DHRS7B: variants seen among roughly 807,000 people sequenced by gnomAD.
The protein encoded by DHRS7B is peroxisomal reductase activating PPAR-gamma.
DHRS7B carries 24 observed loss-of-function variants against 26.4 expected under a neutral mutation model. The observed-to-expected ratio is 0.91, with a 90% CI of 0.66 to 1.28. The LOEUF is 1.28. DHRS7B is among the 50% of genes most tolerant of loss of function. DHRS7B has a pLI of 0.00. For synonymous variants in DHRS7B, 142 were observed against 166.4 expected, an observed-to-expected ratio of 0.85 and a Z score of 1.13; for missense variants, 368 against 419.4, an observed-to-expected ratio of 0.88 and a Z score of 1.07.
chr17:21,178,423 G>T, intron 3 of DHRS7B, 81 bp downstream of exon 3: 1 of 1,168,640 alleles, frequency 8.6e-7, no homozygotes. Flanking sequence ...GCCCACTCCT[G>T]GACTGCTGAG....
intron 2 of DHRS7B, among the ~76,000 whole-genome samples, chr17:21,175,072 C>G (rs755114955): frequency 2.0e-5 from 3 of 152,198 alleles, no homozygotes; most frequent in Non-Finnish European, 4.4e-5. Context: ...TAGATTGAGT[C>G]TACTTAGCAC....
intron 2 of DHRS7B, among the ~76,000 whole-genome samples, chr17:21,177,445 G>A (rs962173565): frequency 6.6e-6 from 1 of 152,204 alleles, no homozygotes; most frequent in African/African-American, 2.4e-5. Flanking sequence ...GACTGTCCCT[G>A]CTGTGGTCGT....
chr17:21,164,030 C>CTTTTGTTTTTTTTTTTTTTT (rs1974055395), intron 1 of DHRS7B, among the ~76,000 whole-genome samples: 1 of 96,976 alleles, frequency 1.0e-5, no homozygotes, highest in Non-Finnish European at 1.9e-5. Flanking sequence ...AATTGTTGTG[C>CTTTTGTTTTTTTTTTTTTTT]TTTTTTTTTT....
At chr17:21,152,945 T>C (rs944155207) in intron 1 of DHRS7B, among the ~76,000 whole-genome samples, 1 of 147,218 alleles carries the variant, frequency 6.8e-6, no homozygotes, top group African/African-American at 2.4e-5. Context: ...ACTACGTTAC[T>C]AAAGGCCTGT....
chr17:21,169,184 G>T (rs1040884285), intron 1 of DHRS7B, among the ~76,000 whole-genome samples: 5 of 152,100 alleles, frequency 3.3e-5, no homozygotes, highest in African/African-American at 1.2e-4. Context: ...TTTCCTATTT[G>T]TTAATTTGAT....
chr17:21,140,271 C>T (rs1196951608), intron 1 of DHRS7B, among the ~76,000 whole-genome samples: 1 of 151,922 alleles, frequency 6.6e-6, no homozygotes, highest in African/African-American at 2.4e-5. Flanking sequence ...ATCCACCCGC[C>T]TTGGCCTCCC....
At chr17:21,150,272 A>ACAAC (rs905798336) in intron 1 of DHRS7B, among the ~76,000 whole-genome samples, 2 of 152,036 alleles carry the variant, frequency 1.3e-5, no homozygotes, top group East Asian at 3.9e-4. Context: ...ATTATTAAAA[A>ACAAC]CAACCACTTC....
chr17:21,164,736 C>T (rs1974074162), intron 1 of DHRS7B, among the ~76,000 whole-genome samples: 1 of 152,156 alleles, frequency 6.6e-6, no homozygotes, highest in Admixed American at 6.5e-5. Context: ...GGGCTGCCTC[C>T]ATGAGGTCAG....
At chr17:21,170,682 C>T (rs1200253810) in intron 1 of DHRS7B, among the ~76,000 whole-genome samples, 1 of 152,088 alleles carries the variant, frequency 6.6e-6, no homozygotes, top group Non-Finnish European at 1.5e-5. Flanking sequence ...TTGACAGTTC[C>T]GTTGCAGTAG....
Position 21,140,022 on chromosome 17 carries a change from C to CTTTT in DHRS7B, c.20+13048_20+13051dup, listed in dbSNP as rs201900387. Among the ~76,000 whole-genome samples, 13 of 106,698 alleles carry CTTTT rather than the reference C, an allele frequency of 1.2e-4. 1 individual carries two copies. The highest frequency in any genetic ancestry group is 2.8e-4 in the East Asian group (1 of 3,584). 70.0% of individuals were successfully genotyped at this position (106,698 alleles called of 152,430 possible). A position where few individuals can be genotyped will look rare whatever the true frequency, so the allele number is the denominator to read the frequency against. On this transcript the variant is annotated intron_variant, in intron 1 of 6. Transcript: ENST00000395511. ...TTTTTTCCTATCAGACTTTCAGATTCTTTTTTTTTTTTTTTTTTTTGAGAC... is the reference window on the plus strand; with the variant it reads ...TTTTTTCCTATCAGACTTTCAGATTCTTTTTTTTTTTTTTTTTTTTTTTTGAGAC...
chr17:21,152,069 C>T (rs1394594963), intron 1 of DHRS7B, among the ~76,000 whole-genome samples: 2 of 152,224 alleles, frequency 1.3e-5, no homozygotes, highest in Non-Finnish European at 2.9e-5. Context: ...GAGCAGATGC[C>T]AGCACCATGT....
intron 1 of DHRS7B, among the ~76,000 whole-genome samples, chr17:21,136,938 GT>G (rs1372022054): frequency 7.3e-5 from 11 of 151,260 alleles, no homozygotes; most frequent in African/African-American, 2.4e-4. Flanking sequence ...TCATATTAAA[GT>G]TTTTTGGCTT....
intron 5 of DHRS7B, among the ~76,000 whole-genome samples, chr17:21,187,083 C>T (rs1382927134): frequency 9.6e-6 from 1 of 103,756 alleles, no homozygotes; most frequent in East Asian, 2.2e-4. Context: ...GAGTTCATTT[C>T]TGTATTAAAA....
intron 1 of DHRS7B, among the ~76,000 whole-genome samples, chr17:21,139,944 C>G (rs987198597): frequency 6.6e-6 from 1 of 150,562 alleles, no homozygotes; most frequent in Non-Finnish European, 1.5e-5. Context: ...AACACATACA[C>G]AGACATATAG....
At chr17:21,178,404 G>GAGAT in intron 3 of DHRS7B, 62 bp downstream of exon 3, 2 of 1,382,314 alleles carry the variant, frequency 1.4e-6, no homozygotes, top group Admixed American at 3.4e-5. Flanking sequence ...AGGCACTGAG[G>GAGAT]AGATAGTGGC....
At chr17:21,150,130 A>C (rs891525195) in intron 1 of DHRS7B, among the ~76,000 whole-genome samples, 1 of 151,360 alleles carries the variant, frequency 6.6e-6, no homozygotes, top group Non-Finnish European at 1.5e-5. Context: ...AAAAAAAAAA[A>C]AACTAAGGCA....
intron 3 of DHRS7B, 145 bp from the exon 4 acceptor site, chr17:21,183,449 G>C: frequency 1.5e-6 from 1 of 668,568 alleles, no homozygotes; most frequent in Non-Finnish European, 2.5e-6. Flanking sequence ...TCCTCTGCTG[G>C]TTTTGGGTTT....
chr17:21,169,794 C>T (rs563913720), intron 1 of DHRS7B, among the ~76,000 whole-genome samples: 5 of 152,204 alleles, frequency 3.3e-5, no homozygotes, highest in African/African-American at 1.2e-4. Context: ...GGTTTCCACC[C>T]AACACGCCTA....
At chr17:21,132,330 A>G in intron 1 of DHRS7B, among the ~76,000 whole-genome samples, 1 of 106,302 alleles carries the variant, frequency 9.4e-6, no homozygotes, top group Non-Finnish European at 1.8e-5. Context: ...GGGAGACCCC[A>G]TCTCTTAAAA....
Sources: gnomAD v4.1 joint callset for allele counts (sites outside exome capture counted in the v4.1 genomes callset) on GRCh38, gnomAD v4.1.1 for gene constraint, MANE v1.5 for transcripts, NCBI Gene and HGNC (gene_info 2026-07-23, HGNC 2026-07-21) for gene names.